IGF1: variants seen among roughly 807,000 people sequenced by gnomAD.
IGF1 encodes the protein insulin like growth factor 1.
IGF1 carries 4 observed loss-of-function variants against 13.8 expected under a neutral mutation model. The observed-to-expected ratio is 0.29, with a 90% confidence interval of 0.14 to 0.66. The LOEUF (loss-of-function observed/expected upper bound fraction) is 0.66. IGF1 is among the 30% of genes least tolerant of loss of function. The probability of loss-of-function intolerance (pLI) is 0.78; values close to 1 mark genes in which losing one functional copy is unlikely to be tolerated. For missense variants in IGF1, 124 were observed against 188.5 expected (o/e 0.66, Z 2.00); for synonymous variants, 76 against 72.6 (o/e 1.05, Z -0.23).
intron 2 of IGF1, among the ~76,000 whole-genome samples, chr12:102,465,664 C>T (rs1189665660): frequency 6.6e-6 from 1 of 152,164 alleles, no homozygotes; most frequent in Non-Finnish European, 1.5e-5. Context: ...TGGCTGGGTG[C>T]GGTGGCTCAC....
At chr12:102,437,668 C>T (rs1877360887) in intron 2 of IGF1, among the ~76,000 whole-genome samples, 1 of 152,138 alleles carries the variant, frequency 6.6e-6, no homozygotes, top group Non-Finnish European at 1.5e-5. Context: ...TACAAAGTTA[C>T]AGTTAGACAA....
chr12:102,466,568 G>C (rs77855934), intron 2 of IGF1, among the ~76,000 whole-genome samples: 17 of 152,206 alleles, frequency 1.1e-4, no homozygotes, highest in Non-Finnish European at 2.2e-4. Context: ...TGCCAATGGC[G>C]CTTGGGGAAA....
chr12:102,443,988 T>G (rs1424794542), intron 2 of IGF1, among the ~76,000 whole-genome samples: 1 of 151,896 alleles, frequency 6.6e-6, no homozygotes, highest in African/African-American at 2.4e-5. Flanking sequence ...CCACCATGTC[T>G]GGCTAATTGT....
chr12:102,441,920 T>C (rs1356427040), intron 2 of IGF1, among the ~76,000 whole-genome samples: 29 of 121,168 alleles, frequency 2.4e-4, no homozygotes, highest in Middle Eastern at 3.5e-3. Context: ...CTTCTCCTTC[T>C]TCTTCTTCTT....
chr12:102,479,356 G>A (rs1435865602), intron 1 of IGF1, among the ~76,000 whole-genome samples: 2 of 152,104 alleles, frequency 1.3e-5, no homozygotes, highest in Non-Finnish European at 2.9e-5. Flanking sequence ...GAGCCCTCAG[G>A]CAATTGAATC....
chr12:102,465,936 C>CAAATAAAT (rs3032454), intron 2 of IGF1, among the ~76,000 whole-genome samples: 105 of 139,466 alleles, frequency 7.5e-4, no homozygotes, highest in Admixed American at 1.0e-3. Flanking sequence ...GACTCTGTTT[C>CAAATAAAT]AAATAAATAA....
At chr12:102,473,093 T>C (rs1210974448) in intron 2 of IGF1, among the ~76,000 whole-genome samples, 2 of 152,168 alleles carry the variant, frequency 1.3e-5, no homozygotes, top group East Asian at 3.8e-4. Flanking sequence ...GCAGCTACTA[T>C]AGCATCCAGG....
At chr12:102,479,809 T>C (rs1055308174) in intron 1 of IGF1, among the ~76,000 whole-genome samples, 2 of 152,160 alleles carry the variant, frequency 1.3e-5, no homozygotes, top group African/African-American at 4.8e-5. Context: ...GCTCCAAAGA[T>C]CATATTTAAA....
intron 2 of IGF1, among the ~76,000 whole-genome samples, chr12:102,422,549 CCATATCTTCAAATGCTA>C (rs1875828404): frequency 6.6e-6 from 1 of 152,170 alleles, no homozygotes; most frequent in Non-Finnish European, 1.5e-5. Flanking sequence ...AAGTTTTGTT[CCATATCTTCAAATGCTA>C]CATATTGTTT....
intron 2 of IGF1, among the ~76,000 whole-genome samples, chr12:102,465,318 C>A (rs180761141): frequency 3.9e-5 from 6 of 152,298 alleles, no homozygotes; most frequent in African/African-American, 1.4e-4. Flanking sequence ...CCCTTCGTTT[C>A]CAAAGCACTT....
chr12:102,418,053 T>C, intron 3 of IGF1: 2 of 1,588,882 alleles, frequency 1.3e-6, no homozygotes, highest in Non-Finnish European at 1.7e-6. Context: ...GTTCCCATGG[T>C]GTCCCTTTGA....
At chr12:102,468,609 A>G (rs1179438329) in intron 2 of IGF1, among the ~76,000 whole-genome samples, 1 of 152,214 alleles carries the variant, frequency 6.6e-6, no homozygotes, top group Non-Finnish European at 1.5e-5. Context: ...GATAAAGACA[A>G]ACAAAATGTT....
chr12:102,396,635 C>T lies in IGF1; in HGVS notation c.*5872G>A, dbSNP rs929419404. ...AAAATGAGTAATGTTTACTTTTAGG[C>T]CTCAGTAATATAAAAAAAGGCAGAT... On this transcript the variant is annotated 3_prime_UTR_variant, in exon 4 of 4. Coordinates refer to ENST00000337514, the MANE Select transcript of IGF1 (RefSeq NM_000618.5). 12 of 369,230 alleles carry T rather than the reference C, an allele frequency of 3.3e-5. No homozygotes were observed. The Admixed American group carries it at 3.7e-4, about 11-fold the overall frequency. The allele number at this position is 369,230 out of a possible 1,614,324, so 22.9% of individuals were successfully genotyped here.
At chr12:102,467,944 A>C (rs1880441074) in intron 2 of IGF1, among the ~76,000 whole-genome samples, 1 of 152,218 alleles carries the variant, frequency 6.6e-6, no homozygotes, top group African/African-American at 2.4e-5. Context: ...ATGTACATGA[A>C]TGTATGGGGT....
At chr12:102,458,730 C>CAAAAAAAAAACAAAA (rs1879639862) in intron 2 of IGF1, among the ~76,000 whole-genome samples, 1 of 73,428 alleles carries the variant, frequency 1.4e-5, no homozygotes, top group African/African-American at 5.2e-5. Flanking sequence ...GAACACTGAC[C>CAAAAAAAAAACAAAA]AAAAAAAAAA....
intron 2 of IGF1, among the ~76,000 whole-genome samples, chr12:102,438,612 G>T (rs971882951): frequency 6.6e-6 from 1 of 152,026 alleles, no homozygotes; most frequent in Non-Finnish European, 1.5e-5. Flanking sequence ...GAACAAAGGC[G>T]CCTGTATACT....
At chr12:102,449,577 G>A (rs893728315) in intron 2 of IGF1, among the ~76,000 whole-genome samples, 7 of 150,520 alleles carry the variant, frequency 4.7e-5, no homozygotes, top group African/African-American at 1.2e-4. Context: ...CCATTGCTAC[G>A]GTTTTCTGTT....
chr12:102,410,110 T>G (rs1440455511), intron 3 of IGF1, among the ~76,000 whole-genome samples: 1 of 152,172 alleles, frequency 6.6e-6, no homozygotes, highest in African/African-American at 2.4e-5. Context: ...TTTCTTACTC[T>G]TTTAAAGACT....
intron 2 of IGF1, among the ~76,000 whole-genome samples, chr12:102,448,689 T>A (rs1353570739): frequency 4.2e-3 from 468 of 110,134 alleles, no homozygotes; most frequent in East Asian, 0.01. Context: ...TAGAGTATAA[T>A]AAAAAAAAAA....
Sources: allele counts gnomAD v4.1 joint callset (sites outside exome capture counted in the v4.1 genomes callset), GRCh38; gene constraint gnomAD v4.1.1; transcripts MANE v1.5; gene names NCBI Gene and HGNC (gene_info 2026-07-23, HGNC 2026-07-21).